Variants in FTO observed in about 807,000 individuals in gnomAD.
The protein encoded by FTO is alpha-ketoglutarate-dependent dioxygenase FTO.
A neutral mutation model predicts 63.9 loss-of-function variants in FTO; 47 were observed. That is an observed-to-expected ratio of 0.74 (90% confidence interval 0.58 to 0.94). The LOEUF (loss-of-function observed/expected upper bound fraction) is 0.94, where lower values mean the gene tolerates loss of function less well. FTO is among the 40% of genes least tolerant of loss of function. The pLI, the probability that FTO is intolerant of heterozygous loss-of-function variation, is 0.00. For missense variants in FTO, 562 were observed against 618.1 expected (o/e 0.91, Z 0.96); for synonymous variants, 207 against 224.4 (o/e 0.92, Z 0.69).
chr16:53,864,371 C>T (rs754036578), intron 4 of FTO, among the ~76,000 whole-genome samples: 1 of 152,176 alleles, frequency 6.6e-6, no homozygotes, highest in Non-Finnish European at 1.5e-5. Context: ...GGGTGACCAA[C>T]TGTCCTTTTC....
At chr16:54,007,800 C>CA (rs1281772650) in intron 8 of FTO, among the ~76,000 whole-genome samples, 12 of 152,156 alleles carry the variant, frequency 7.9e-5, no homozygotes, top group African/African-American at 2.7e-4. Flanking sequence ...TGGACTTGGT[C>CA]AAAAAATCTC....
chr16:53,856,749 C>CAA lies in FTO; in HGVS notation c.895+12461_895+12462dup, dbSNP rs113902497. On this transcript the variant is annotated intron_variant, in intron 4 of 8. Transcript: ENST00000471389. ...TGGGTGACAGAGCCAGACTCCATCT[C>CAA]AAAAAAAAAAACAAGCATGGAGGTG... 2.5e-3 allele frequency among the ~76,000 whole-genome samples: 350 copies of CAA among 139,144 alleles called. 1 individual carries two copies. Among genetic ancestry groups the CAA allele is most frequent in the African/African-American group, 8.2e-3 (312 of 38,148 alleles). The allele number at this position is 139,144 out of a possible 152,430, so 91.3% of individuals were successfully genotyped here.
At chr16:53,727,768 G>C (rs2076184429) in intron 1 of FTO, among the ~76,000 whole-genome samples, 1 of 152,170 alleles carries the variant, frequency 6.6e-6, no homozygotes, top group Non-Finnish European at 1.5e-5. Flanking sequence ...GTAAGTCACT[G>C]AACCCCTTAG....
At chr16:53,912,786 G>A (rs17821532) in intron 7 of FTO, among the ~76,000 whole-genome samples, 3,199 of 152,280 alleles carry the variant, frequency 0.021, 44 homozygotes, top group Middle Eastern at 0.037. Flanking sequence ...GTAGTGCTGG[G>A]ATTAATTAAG....
rs1423659913 is a variant in FTO, at chr16:54,119,343, G to A, written c.*7428G>A. On this transcript the variant is annotated 3_prime_UTR_variant, in exon 9 of 9. Transcript: ENST00000471389. ...AACAGTTAACCTTCAAACCCCCAAG[G>A]CTTGCAAGAGATGAATCAGTTTCTC... 6.6e-6 allele frequency: 1 copy of A among 152,196 alleles called. No individual in the cohort carries two copies. The highest frequency in any genetic ancestry group is 2.4e-5 in the African/African-American group (1 of 41,454). 9.4% of individuals were successfully genotyped at this position (152,196 alleles called of 1,614,324 possible).
At chr16:53,983,275 G>A (rs922824363) in intron 8 of FTO, among the ~76,000 whole-genome samples, 1 of 152,018 alleles carries the variant, frequency 6.6e-6, no homozygotes, top group Non-Finnish European at 1.5e-5. Context: ...AGCATAGAAT[G>A]TATTTATTCT....
intron 7 of FTO, among the ~76,000 whole-genome samples, chr16:53,890,074 G>C (rs1469061788): frequency 1.3e-5 from 2 of 152,090 alleles, no homozygotes. Flanking sequence ...TGGGGTCCTT[G>C]CCCTTCACCA....
At chr16:53,865,011 A>G (rs936708899) in intron 4 of FTO, among the ~76,000 whole-genome samples, 8 of 152,312 alleles carry the variant, frequency 5.3e-5, no homozygotes, top group African/African-American at 1.9e-4. Context: ...GGCCTGAGTC[A>G]CTAGGTGACT....
intron 1 of FTO, among the ~76,000 whole-genome samples, chr16:53,804,967 A>G (rs1293496738): frequency 6.6e-6 from 1 of 151,992 alleles, no homozygotes; most frequent in African/African-American, 2.4e-5. Flanking sequence ...CCCACCAAGC[A>G]CCCTGCTTAA....
At chr16:53,754,208 C>T (rs139281732) in intron 1 of FTO, among the ~76,000 whole-genome samples, 1 of 152,286 alleles carries the variant, frequency 6.6e-6, no homozygotes, top group African/African-American at 2.4e-5. Context: ...GTCAGGCCGT[C>T]CTATAGCACA....
At chr16:54,061,118 G>A (rs1214529770) in intron 8 of FTO, among the ~76,000 whole-genome samples, 2 of 152,134 alleles carry the variant, frequency 1.3e-5, no homozygotes, top group Non-Finnish European at 2.9e-5. Context: ...TCCCAGCCTG[G>A]GTGGGGTGTT....
chr16:53,863,800 G>A (rs1183139734), intron 4 of FTO, among the ~76,000 whole-genome samples: 1 of 152,178 alleles, frequency 6.6e-6, no homozygotes, highest in African/African-American at 2.4e-5. Context: ...TTTTGCTCAG[G>A]ATTTGATTGG....
intron 3 of FTO, among the ~76,000 whole-genome samples, chr16:53,842,578 A>G (rs1273063043): frequency 6.6e-6 from 1 of 152,164 alleles, no homozygotes; most frequent in East Asian, 1.9e-4. Flanking sequence ...AGTCTTGTGT[A>G]TCCTTCCAGA....
At chr16:53,974,679 A>G (rs2143762620) in intron 8 of FTO, among the ~76,000 whole-genome samples, 1 of 152,344 alleles carries the variant, frequency 6.6e-6, no homozygotes, top group African/African-American at 2.4e-5. Context: ...TAGGAGTCGT[A>G]ATGCTCCCAG....
intron 8 of FTO, among the ~76,000 whole-genome samples, chr16:53,963,719 A>G (rs2143657596): frequency 6.6e-6 from 1 of 152,276 alleles, no homozygotes; most frequent in Middle Eastern, 3.4e-3. Flanking sequence ...AGCATCATGC[A>G]TCCTGTACAG....
chr16:53,754,776 G>A (rs573453587), intron 1 of FTO, among the ~76,000 whole-genome samples: 7 of 152,274 alleles, frequency 4.6e-5, no homozygotes, highest in Admixed American at 2.0e-4. Flanking sequence ...ATGACGCTGA[G>A]GTATTTAAAA....
chr16:54,092,106 GTC>G (rs2086397392), intron 8 of FTO, among the ~76,000 whole-genome samples: 1 of 152,194 alleles, frequency 6.6e-6, no homozygotes, highest in African/African-American at 2.4e-5. Context: ...GTGAGACACT[GTC>G]TCTACAAAAA....
At chr16:53,980,874 A>G (rs1274850905) in intron 8 of FTO, among the ~76,000 whole-genome samples, 3 of 152,230 alleles carry the variant, frequency 2.0e-5, no homozygotes, top group Non-Finnish European at 4.4e-5. Context: ...ATTAGATGCA[A>G]AAACCACTTG....
chr16:54,101,462 G>A (rs900086155), intron 8 of FTO, among the ~76,000 whole-genome samples: 2 of 152,094 alleles, frequency 1.3e-5, no homozygotes, highest in Non-Finnish European at 2.9e-5. Context: ...CTTGTTTTTT[G>A]TTATGGCTGC....
Sources: gnomAD v4.1 joint callset for allele counts (sites outside exome capture counted in the v4.1 genomes callset) on GRCh38, gnomAD v4.1.1 for gene constraint, MANE v1.5 for transcripts, NCBI Gene and HGNC (gene_info 2026-07-23, HGNC 2026-07-21) for gene names.